TPD52L1: variants seen among roughly 807,000 people sequenced by gnomAD.
TPD52L1 encodes the protein tumor protein D53.
TPD52L1 carries 18 observed loss-of-function variants against 28.7 expected under a neutral mutation model. That is an observed-to-expected ratio of 0.63 (90% confidence interval 0.43 to 0.93). The LOEUF (loss-of-function observed/expected upper bound fraction) is 0.93, where lower values mean the gene tolerates loss of function less well. Ranked by LOEUF, TPD52L1 falls within the 40% of genes least tolerant of loss-of-function variation. TPD52L1 has a pLI of 0.00. For missense variants in TPD52L1, 203 were observed against 254.8 expected, an observed-to-expected ratio of 0.80 and a Z score of 1.39; for synonymous variants, 75 against 88.8, an observed-to-expected ratio of 0.84 and a Z score of 0.88.
Position 125,226,535 on chromosome 6 carries a change from C to T in TPD52L1, c.136-2583C>T, listed in dbSNP as rs1003694668. ...TTAATACACTTATGGGGCTCCATGG[C>T]TATGAGGTTGAGAATATTAAGGTGT... On this transcript the variant is annotated intron_variant, in intron 2 of 6. Transcript: ENST00000534000. Among the ~76,000 whole-genome samples, 3 of 152,002 alleles carry T rather than the reference C, an allele frequency of 2.0e-5. No homozygotes were observed. The East Asian group carries it at 5.8e-4, about 29-fold the overall frequency.
intron 1 of TPD52L1, chr6:125,214,457 C>A: frequency 1.0e-6 from 1 of 984,364 alleles, no homozygotes; most frequent in Non-Finnish European, 1.2e-6. Context: ...AGGCACATAC[C>A]TCCTCGGTAA....
chr6:125,184,851 A>G (rs555252659), intron 1 of TPD52L1, among the ~76,000 whole-genome samples: 60 of 152,298 alleles, frequency 3.9e-4, no homozygotes, highest in African/African-American at 1.4e-3. Flanking sequence ...AAGAAAAAAA[A>G]ATGAAAAAAA....
At chr6:125,156,795 A>G (rs148542144) in intron 1 of TPD52L1, among the ~76,000 whole-genome samples, 5 of 152,276 alleles carry the variant, frequency 3.3e-5, no homozygotes, top group East Asian at 1.9e-4. Context: ...AAAGAGAATA[A>G]CAACAAAAAA....
chr6:125,204,605 T>A (rs560698), intron 1 of TPD52L1, among the ~76,000 whole-genome samples: 1 of 151,752 alleles, frequency 6.6e-6, no homozygotes, highest in Non-Finnish European at 1.5e-5. Flanking sequence ...TCAGCCTCCC[T>A]AGTAGCTGGG....
At chr6:125,217,002 A>T (rs1328761564) in intron 1 of TPD52L1, among the ~76,000 whole-genome samples, 1 of 152,096 alleles carries the variant, frequency 6.6e-6, no homozygotes, top group Non-Finnish European at 1.5e-5. Context: ...TTTTCTTTTT[A>T]CTTTAGACAA....
intron 6 of TPD52L1, chr6:125,261,018 GAAAAGAAAAGAAAGAAAGAAAGAAAGAAA>G (rs1798004985): frequency 2.3e-5 from 1 of 43,124 alleles, no homozygotes; most frequent in African/African-American, 1.5e-4. Flanking sequence ...AAGAAAGAAA[GAAAAGAAAAGAAAGAAAGAAAGAAAGAAA>G]GAAAAGGGGA....
At chr6:125,257,880 G>A (rs3799727) in intron 6 of TPD52L1, among the ~76,000 whole-genome samples, 14,269 of 152,058 alleles carry the variant, frequency 0.094, 853 homozygotes, top group East Asian at 0.31. Context: ...ATTTTTAAAG[G>A]TATCACTTAA....
chr6:125,222,961 T>C (rs953820898), intron 2 of TPD52L1, among the ~76,000 whole-genome samples: 1 of 152,224 alleles, frequency 6.6e-6, no homozygotes, highest in African/African-American at 2.4e-5. Flanking sequence ...TGAAAAATGC[T>C]GTAATCCTAT....
Position 125,199,919 on chromosome 6 carries a change from A to G in TPD52L1, c.20-20159A>G, listed in dbSNP as rs554902171. ...TATTTCCATGTTGTTCCATTACATTAGGGGAAGCCTCCTTAGTGGCTCATC... is the reference window on the plus strand; with the variant it reads ...TATTTCCATGTTGTTCCATTACATTGGGGGAAGCCTCCTTAGTGGCTCATC... On this transcript the variant is annotated intron_variant, in intron 1 of 6. Transcript: ENST00000534000. Among the ~76,000 whole-genome samples, 6 of 152,360 alleles carry G rather than the reference A, an allele frequency of 3.9e-5. No homozygotes were observed. The South Asian group carries it at 8.3e-4, about 21-fold the overall frequency.
intron 1 of TPD52L1, among the ~76,000 whole-genome samples, chr6:125,187,093 GA>G (rs999989526): frequency 1.2e-4 from 19 of 152,192 alleles, no homozygotes; most frequent in Admixed American, 3.3e-4. Flanking sequence ...AATACAATAT[GA>G]AAAAAATCTA....
intron 1 of TPD52L1, among the ~76,000 whole-genome samples, chr6:125,206,187 CAT>C (rs1216194140): frequency 1.3e-5 from 2 of 152,124 alleles, no homozygotes; most frequent in Admixed American, 6.5e-5. Context: ...AGTGGTGACT[CAT>C]GTGTTCTTTA....
chr6:125,210,906 A>G lies in TPD52L1; in HGVS notation c.20-9172A>G, dbSNP rs1203637311. The stretch of plus-strand genomic sequence containing the variant: ...AAAGTTGAAAAGGGGTGGAGCTGGA[A>G]TTCTTCCTGAGATTGGTTTGTTCCC... On this transcript the variant is annotated intron_variant, in intron 1 of 6. Transcript: ENST00000534000. 2.0e-5 allele frequency among the ~76,000 whole-genome samples: 3 copies of G among 152,316 alleles called. No homozygotes were observed. In the Middle Eastern group the frequency reaches 0.01, roughly 518 times the overall value.
At chr6:125,174,561 A>G (rs1213147133) in intron 1 of TPD52L1, among the ~76,000 whole-genome samples, 3 of 152,230 alleles carry the variant, frequency 2.0e-5, no homozygotes, top group Non-Finnish European at 4.4e-5. Context: ...AATGTTTTAA[A>G]TGGTTGCTGC....
chr6:125,193,182 A>G (rs1793173929), intron 1 of TPD52L1, among the ~76,000 whole-genome samples: 1 of 152,198 alleles, frequency 6.6e-6, no homozygotes, highest in African/African-American at 2.4e-5. Context: ...CTGAAAGCCA[A>G]CCACTTAAAT....
At chr6:125,218,952 C>A (rs544958816) in intron 1 of TPD52L1, among the ~76,000 whole-genome samples, 4 of 152,232 alleles carry the variant, frequency 2.6e-5, no homozygotes, top group Admixed American at 1.3e-4. Flanking sequence ...TTAACAGATC[C>A]CCATCTCACA....
At chr6:125,201,848 C>T (rs1334642675) in intron 1 of TPD52L1, among the ~76,000 whole-genome samples, 1 of 152,178 alleles carries the variant, frequency 6.6e-6, no homozygotes, top group African/African-American at 2.4e-5. Flanking sequence ...ATATTTCCAT[C>T]TCCTTTAGCA....
intron 1 of TPD52L1, among the ~76,000 whole-genome samples, chr6:125,179,971 G>A (rs1372292799): frequency 6.6e-6 from 1 of 152,152 alleles, no homozygotes; most frequent in Non-Finnish European, 1.5e-5. Flanking sequence ...GAGGGTGTTT[G>A]AAAGCCACTT....
At chr6:125,217,790 C>G (rs190647351) in intron 1 of TPD52L1, among the ~76,000 whole-genome samples, 1 of 152,110 alleles carries the variant, frequency 6.6e-6, no homozygotes, top group Non-Finnish European at 1.5e-5. Flanking sequence ...TAATTTAATT[C>G]CTAAGTGATA....
chr6:125,195,219 G>C (rs913059970), intron 1 of TPD52L1, among the ~76,000 whole-genome samples: 1 of 152,174 alleles, frequency 6.6e-6, no homozygotes, highest in African/African-American at 2.4e-5. Flanking sequence ...GGGTCATTAA[G>C]ATGGCAGCAG....
Sources: gnomAD v4.1 joint callset for allele counts (sites outside exome capture counted in the v4.1 genomes callset) on GRCh38, gnomAD v4.1.1 for gene constraint, MANE v1.5 for transcripts, NCBI Gene and HGNC (gene_info 2026-07-23, HGNC 2026-07-21) for gene names.